ZKSCAN1: variants seen among roughly 807,000 people sequenced by gnomAD.
ZKSCAN1 encodes the protein zinc finger with KRAB and SCAN domains 1, also known as zinc finger protein with KRAB and SCAN domains 1.
ZKSCAN1 carries 14 observed loss-of-function variants against 51.6 expected under a neutral mutation model. That is an observed-to-expected ratio of 0.27 (90% CI 0.18 to 0.42). The LOEUF (loss-of-function observed/expected upper bound fraction) is 0.42, where lower values mean the gene tolerates loss of function less well. ZKSCAN1 is among the 10% of genes least tolerant of loss of function. The probability of loss-of-function intolerance (pLI) is 1.00; values close to 1 mark genes in which losing one functional copy is unlikely to be tolerated. For missense variants in ZKSCAN1, 531 were observed against 710.0 expected (o/e 0.75, Z 2.86); for synonymous variants, 263 against 261.5 (o/e 1.01, Z -0.06).
chr7:100,030,403 A>C lies in ZKSCAN1; in HGVS notation c.799+28A>C, dbSNP rs766851031. 3 of 1,603,276 alleles carry C rather than the reference A, an allele frequency of 1.9e-6. No homozygotes were observed. The African/African-American group carries it at 4.0e-5, about 21-fold the overall frequency. On this transcript the variant is annotated intron_variant, in intron 5 of 5. Transcript: ENST00000324306. The stretch of plus-strand genomic sequence containing the variant: ...AAGACGGATGCAGGCTTACTGTCTG[A>C]TAAGATGGTTTTGTCTCTCTGTGTG...
chr7:100,038,750 C>A lies in ZKSCAN1; in HGVS notation c.*4553C>A. The A allele has an allele frequency of 3.0e-6, 3 of 983,832 alleles. No individual in the cohort carries two copies. The highest frequency in any genetic ancestry group is 3.6e-6 in the Non-Finnish European group (3 of 828,408). The allele number at this position is 983,832 out of a possible 1,614,324, so 60.9% of individuals were successfully genotyped here. A position where few individuals can be genotyped will look rare whatever the true frequency, so the allele number is the denominator to read the frequency against. Reference sequence around the variant, plus strand: ...GTGGCTCAGGCCTGTAATCCCAGCACTTTGGGAGACCAAGGCGGGTGGATC... The same window carrying A: ...GTGGCTCAGGCCTGTAATCCCAGCAATTTGGGAGACCAAGGCGGGTGGATC... On this transcript the variant is annotated 3_prime_UTR_variant, in exon 6 of 6. Coordinates refer to ENST00000324306, the MANE Select transcript of ZKSCAN1 (RefSeq NM_003439.4).
In ZKSCAN1 at chr7:100,035,665, T is replaced by G. The variant is rs1791327126; in HGVS notation, c.*1468T>G. On this transcript the variant is annotated 3_prime_UTR_variant, in exon 6 of 6. Transcript: ENST00000324306. ...AATTACTAAATGTATTTTGTTGCTC[T>G]GAGAAACTCAGCAGTGTACTGAGAT... is the stretch of plus-strand genomic sequence containing the variant. 5.8e-6 allele frequency: 1 copy of G among 173,162 alleles called. No individual in the cohort carries two copies. The highest frequency in any genetic ancestry group is 1.1e-5 in the Non-Finnish European group (1 of 87,200). The allele number at this position is 173,162 out of a possible 1,614,324, so 10.7% of individuals were successfully genotyped here.
In ZKSCAN1 at chr7:100,038,262, A is replaced by G; in HGVS notation, c.*4065A>G. On this transcript the variant is annotated 3_prime_UTR_variant, in exon 6 of 6. Transcript: ENST00000324306. ...CAGATACTGTATTTTATTTTAGCCTATTTGACAGAACACATCACTCAGAAA... is the reference window on the plus strand; with the variant it reads ...CAGATACTGTATTTTATTTTAGCCTGTTTGACAGAACACATCACTCAGAAA... 1.0e-6 allele frequency: 1 copy of G among 985,436 alleles called. No homozygotes were observed. Among genetic ancestry groups the G allele is most frequent in the Non-Finnish European group, 1.2e-6 (1 of 829,928 alleles). The allele number at this position is 985,436 out of a possible 1,614,324, so 61.0% of individuals were successfully genotyped here.
intron 3 of ZKSCAN1, among the ~76,000 whole-genome samples, chr7:100,025,319 A>C (rs963679939): frequency 9.5e-5 from 6 of 63,364 alleles, no homozygotes; most frequent in Non-Finnish European, 1.8e-4. Flanking sequence ...GTCTGTTTCC[A>C]AAAAAAAAAA....
chr7:100,042,735 C>G (rs1562837733), downstream of ZKSCAN1, among the ~76,000 whole-genome samples: 1 of 86,370 alleles, frequency 1.2e-5, no homozygotes, highest in Non-Finnish European at 2.3e-5. Flanking sequence ...TGTATAGATA[C>G]ACGTGTGTGT....
At chr7:100,042,248 G>C (rs552033478), downstream of ZKSCAN1, among the ~76,000 whole-genome samples, 5 of 151,632 alleles carry the variant, frequency 3.3e-5, no homozygotes, top group Non-Finnish European at 2.9e-5. Context: ...GAACCCAGGA[G>C]GGGGAGGTTG....
chr7:100,024,142 G>A lies in ZKSCAN1; in HGVS notation c.427-12G>A. ...AGTGATTTACCCACAAGCCCAACCT[G>A]TCTGTCTTCAGGTCCCAGGTCAAGT... On this transcript the variant is annotated splice_polypyrimidine_tract_variant and intron_variant, in intron 2 of 5. Coordinates refer to ENST00000324306, the MANE Select transcript of ZKSCAN1 (RefSeq NM_003439.4). 3.7e-6 allele frequency: 6 copies of A among 1,604,140 alleles called. No homozygotes were observed. Among genetic ancestry groups the A allele is most frequent in the Non-Finnish European group, 5.1e-6 (6 of 1,175,284 alleles).
intron 3 of ZKSCAN1, among the ~76,000 whole-genome samples, chr7:100,028,224 G>C (rs1312932339): frequency 2.6e-5 from 4 of 151,980 alleles, no homozygotes; most frequent in Non-Finnish European, 5.9e-5. Flanking sequence ...GTGGTGGCAG[G>C]CACCTGTAGT....
chr7:100,037,501 A>G lies in ZKSCAN1; in HGVS notation c.*3304A>G. 2 of 985,480 alleles carry G rather than the reference A, an allele frequency of 2.0e-6. No homozygotes were observed. The highest frequency in any genetic ancestry group is 2.4e-6 in the Non-Finnish European group (2 of 829,944). 61.0% of individuals were successfully genotyped at this position (985,480 alleles called of 1,614,324 possible). On this transcript the variant is annotated 3_prime_UTR_variant, in exon 6 of 6. Transcript: ENST00000324306. The stretch of plus-strand genomic sequence containing the variant: ...GATACGTGGGACAGTTCACATAGAC[A>G]TCAGAGAATTTATTCCAGAAAGGAG...
rs903875308 is a variant in ZKSCAN1, at chr7:100,034,271, G to GA, written c.*79dup. The GA allele has an allele frequency of 2.9e-5, 44 of 1,494,844 alleles. No individual in the cohort carries two copies. The African/African-American group carries it at 4.9e-4, about 17-fold the overall frequency. 92.6% of individuals were successfully genotyped at this position (1,494,844 alleles called of 1,614,324 possible). The stretch of plus-strand genomic sequence containing the variant: ...TTTCAGAGATGTGTGCTCCTGGAGG[G>GA]AAAAAGAAATACAGCCTCAACAGAT... On this transcript the variant is annotated 3_prime_UTR_variant, in exon 6 of 6. Coordinates refer to ENST00000324306, the MANE Select transcript of ZKSCAN1 (RefSeq NM_003439.4).
chr7:100,037,556 C>T lies in ZKSCAN1; in HGVS notation c.*3359C>T. On this transcript the variant is annotated 3_prime_UTR_variant, in exon 6 of 6. Coordinates refer to ENST00000324306, the MANE Select transcript of ZKSCAN1 (RefSeq NM_003439.4). Reference sequence around the variant, plus strand: ...CTGAATGTGATGAATACGGCAAAGCCTTTAATCACATCTCAGCCCTTAGCA... The same window carrying T: ...CTGAATGTGATGAATACGGCAAAGCTTTTAATCACATCTCAGCCCTTAGCA... 4 of 985,462 alleles carry T rather than the reference C, an allele frequency of 4.1e-6. No individual in the cohort carries two copies. The highest frequency in any genetic ancestry group is 4.8e-6 in the Non-Finnish European group (4 of 829,946). The allele number at this position is 985,462 out of a possible 1,614,324, so 61.0% of individuals were successfully genotyped here.
chr7:100,029,104 C>T (rs975817564), intron 3 of ZKSCAN1, among the ~76,000 whole-genome samples: 3 of 143,948 alleles, frequency 2.1e-5, no homozygotes, highest in Non-Finnish European at 3.0e-5. Flanking sequence ...CCGAAAGTTG[C>T]GATGAGCTAA....
Position 100,040,937 on chromosome 7 carries a change from A to T in ZKSCAN1, c.*6740A>T. On this transcript the variant is annotated 3_prime_UTR_variant, in exon 6 of 6. Transcript: ENST00000324306. ...GGGTGGGAGGAGACAGGTTGTGGTTATGCAGGAAAATCTTGTCCTAAAAAT... is the reference window on the plus strand; with the variant it reads ...GGGTGGGAGGAGACAGGTTGTGGTTTTGCAGGAAAATCTTGTCCTAAAAAT... The T allele has an allele frequency of 1.0e-6, 1 of 985,404 alleles. No individual in the cohort carries two copies. The highest frequency in any genetic ancestry group is 1.2e-6 in the Non-Finnish European group (1 of 829,918). 61.0% of individuals were successfully genotyped at this position (985,404 alleles called of 1,614,324 possible). A position where few individuals can be genotyped will look rare whatever the true frequency, so the allele number is the denominator to read the frequency against.
intron 3 of ZKSCAN1, among the ~76,000 whole-genome samples, chr7:100,028,147 G>A (rs925494122): frequency 6.6e-6 from 1 of 152,086 alleles, no homozygotes; most frequent in African/African-American, 2.4e-5. Context: ...AAGGTCAAGA[G>A]ATCGAGATCA....
chr7:100,033,684 C>T lies in ZKSCAN1; in HGVS notation c.1179C>T (p.Ile393=). ...GCTTCACGAGAAGTTCAAGCCTTAT[C>T]CGCCATAAAATAATCCACACTGGAG... is the stretch of plus-strand genomic sequence containing the variant. ...GKCFTRSSSL[I]RHKIIHTGEK... is the part of the protein sequence containing the mutation. The change falls in exon 6 of 6, where the codon ATC becomes ATT. Residue 393 remains isoleucine (I), a synonymous_variant. Transcript: ENST00000324306. The surrounding 1 kb of genome is among the most constrained non-coding windows in gnomAD (Gnocchi z 4.1). 2 of 1,614,222 alleles carry T rather than the reference C, an allele frequency of 1.2e-6. No individual in the cohort carries two copies. The highest frequency in any genetic ancestry group is 1.7e-6 in the Non-Finnish European group (2 of 1,180,040).
intron 1 of ZKSCAN1, among the ~76,000 whole-genome samples, chr7:100,017,413 G>C (rs1409103587): frequency 6.6e-6 from 1 of 152,020 alleles, no homozygotes; most frequent in Non-Finnish European, 1.5e-5. Context: ...AGTAGAGACA[G>C]AGTTTCGCCA....
intron 3 of ZKSCAN1, among the ~76,000 whole-genome samples, chr7:100,027,590 T>C (rs1790895539): frequency 6.6e-6 from 1 of 150,786 alleles, no homozygotes; most frequent in African/African-American, 2.4e-5. Flanking sequence ...CTCCTAAAAA[T>C]ACAAAAAATT....
intron 1 of ZKSCAN1, among the ~76,000 whole-genome samples, chr7:100,017,895 T>TTGCTTAATCTTCTAAGCAA (rs1192617874): frequency 6.6e-6 from 1 of 152,246 alleles, no homozygotes; most frequent in Admixed American, 6.5e-5. Context: ...AGTTGTCCCA[T>TTGCTTAATCTTCTAAGCAA]TGCTTAATCT....
intron 1 of ZKSCAN1, among the ~76,000 whole-genome samples, chr7:100,019,513 A>T (rs1790511104): frequency 1.3e-5 from 2 of 151,240 alleles, no homozygotes; most frequent in South Asian, 4.2e-4. Flanking sequence ...GCCCTGATTG[A>T]TTCTTCATTG....
Sources: gnomAD v4.1 joint callset for allele counts (sites outside exome capture counted in the v4.1 genomes callset) on GRCh38, gnomAD v4.1.1 for gene constraint, Gnocchi (gnomAD v3.1) non-coding constraint, MANE v1.5 for transcripts, NCBI Gene and HGNC (gene_info 2026-07-23, HGNC 2026-07-21) for gene names.